The following AK8 variants were observed in gnomAD, a reference collection of about 807,000 sequenced individuals.
AK8 encodes the protein ATP-AMP transphosphorylase 8.
A neutral mutation model predicts 54.6 loss-of-function variants in AK8; 44 were observed. That is an observed-to-expected ratio of 0.81 (90% CI 0.63 to 1.04). The LOEUF is 1.04. Ranked by LOEUF, AK8 falls within the 50% of genes least tolerant of loss-of-function variation. The probability of loss-of-function intolerance (pLI) is 0.00; values close to 1 mark genes in which losing one functional copy is unlikely to be tolerated. For synonymous variants in AK8, 239 were observed against 245.6 expected, an observed-to-expected ratio of 0.97 and a Z score of 0.25; for missense variants, 555 against 613.6, an observed-to-expected ratio of 0.90 and a Z score of 1.01.
At chr9:132,730,358 C>A (rs184714498) in intron 11 of AK8, among the ~76,000 whole-genome samples, 1 of 151,538 alleles carries the variant, frequency 6.6e-6, no homozygotes, top group Non-Finnish European at 1.5e-5. Flanking sequence ...CCAGGAAATG[C>A]GTGTGAAGGA....
chr9:132,782,614 G>A (rs1001258752), intron 11 of AK8, among the ~76,000 whole-genome samples: 3 of 152,084 alleles, frequency 2.0e-5, no homozygotes, highest in East Asian at 1.9e-4. Flanking sequence ...ACTTGAATCC[G>A]GAAGGCGGAG....
intron 5 of AK8, among the ~76,000 whole-genome samples, chr9:132,849,911 A>C (rs1842903263): frequency 6.6e-6 from 1 of 151,430 alleles, no homozygotes; most frequent in Non-Finnish European, 1.5e-5. Flanking sequence ...ATGCCCAGCA[A>C]ATTTTTTGTA....
At chr9:132,817,785 G>A (rs1418499493) in intron 9 of AK8, among the ~76,000 whole-genome samples, 1 of 152,056 alleles carries the variant, frequency 6.6e-6, no homozygotes, top group East Asian at 1.9e-4. Flanking sequence ...AAGAAGAGAG[G>A]CAGGCAGAAA....
At chr9:132,820,209 C>T (rs913470027) in intron 9 of AK8, among the ~76,000 whole-genome samples, 6 of 137,340 alleles carry the variant, frequency 4.4e-5, no homozygotes, top group Admixed American at 4.2e-4. Flanking sequence ...TTCATGCTCA[C>T]TGTAAAAAAA....
intron 4 of AK8, 119 bp from the exon 5 acceptor site, chr9:132,855,044 G>A (rs1843122531): frequency 9.9e-7 from 1 of 1,005,166 alleles, no homozygotes; most frequent in Non-Finnish European, 1.5e-6. Context: ...ACCACCATCG[G>A]GCCCCGCCCT....
chr9:132,809,177 C>G (rs1840873472), intron 10 of AK8, among the ~76,000 whole-genome samples: 2 of 152,180 alleles, frequency 1.3e-5, no homozygotes, highest in African/African-American at 4.8e-5. Context: ...ACAGAGATAT[C>G]TGAAACAGAC....
At chr9:132,857,233 C>G (rs909961939) in intron 4 of AK8, among the ~76,000 whole-genome samples, 1 of 152,182 alleles carries the variant, frequency 6.6e-6, no homozygotes, top group African/African-American at 2.4e-5. Flanking sequence ...CTGCTGGGCC[C>G]CAGCCTGGGA....
chr9:132,728,146 G>T (rs972705154), intron 11 of AK8, among the ~76,000 whole-genome samples: 8 of 152,212 alleles, frequency 5.3e-5, no homozygotes, highest in Non-Finnish European at 1.2e-4. Context: ...ACGAGGGTGG[G>T]CATCATTTTC....
Position 132,828,103 on chromosome 9 carries a change from G to A in AK8, c.485-19C>T. 4 of 1,562,364 alleles carry A rather than the reference G, an allele frequency of 2.6e-6. No homozygotes were observed. The highest frequency in any genetic ancestry group is 2.4e-5 in the East Asian group (1 of 42,218). The stretch of plus-strand genomic sequence containing the variant: ...AGCACAACTGGGCAGAGAAGAAAAG[G>A]AGCAAAACCAGGCATGTCGGGCAGC... On this transcript the variant is annotated intron_variant, in intron 6 of 12. Coordinates refer to ENST00000298545, the MANE Select transcript of AK8 (RefSeq NM_152572.3).
In AK8 at chr9:132,799,656, C is replaced by T. The variant is rs1840350434; in HGVS notation, c.980-6881G>A. On this transcript the variant is annotated intron_variant, in intron 10 of 12. Coordinates refer to ENST00000298545, the MANE Select transcript of AK8 (RefSeq NM_152572.3). This position sits in a 1 kb window ranked among gnomAD's most constrained non-coding sequence, Gnocchi z 5.0. ...CCTACACCCCACCACGTGCACAACA[C>T]ATACTGTATACCCACCTATCCACAC... 6.6e-6 allele frequency among the ~76,000 whole-genome samples: 1 copy of T among 152,006 alleles called. No homozygotes were observed. Among genetic ancestry groups the T allele is most frequent in the Admixed American group, 6.6e-5 (1 of 15,262 alleles).
chr9:132,871,033 G>A (rs565799135), intron 2 of AK8, among the ~76,000 whole-genome samples: 9 of 152,302 alleles, frequency 5.9e-5, no homozygotes, highest in African/African-American at 2.2e-4. Context: ...ATCATCTGAG[G>A]TCAGGTGTTT....
At chr9:132,760,220 G>T (rs1436271546) in intron 11 of AK8, among the ~76,000 whole-genome samples, 2 of 150,690 alleles carry the variant, frequency 1.3e-5, no homozygotes, top group Non-Finnish European at 2.9e-5. Flanking sequence ...GTCTTGCTGT[G>T]TTGCCCAGGC....
chr9:132,738,200 T>C (rs1305653929), intron 11 of AK8, among the ~76,000 whole-genome samples: 1 of 152,010 alleles, frequency 6.6e-6, no homozygotes, highest in Non-Finnish European at 1.5e-5. Context: ...ACTACAGGCG[T>C]GTGCCACCAC....
chr9:132,840,164 T>C (rs1218436154), intron 5 of AK8, among the ~76,000 whole-genome samples: 2 of 152,194 alleles, frequency 1.3e-5, no homozygotes, highest in South Asian at 4.2e-4. Flanking sequence ...TGCTGCCACA[T>C]TGGAGATTAA....
chr9:132,822,485 C>G (rs1030186323), intron 9 of AK8, among the ~76,000 whole-genome samples: 2 of 151,714 alleles, frequency 1.3e-5, no homozygotes, highest in Non-Finnish European at 2.9e-5. Flanking sequence ...GTGCAGGTCT[C>G]GTTTCCTTAG....
At position 132,844,336 on chromosome 9, in the gene AK8, A is replaced by AC. The variant is rs752578473; in HGVS notation, c.402+10520dup. Among the ~76,000 whole-genome samples the AC allele has an allele frequency of 2.7e-5, 4 of 149,594 alleles. 1 individual carries two copies. The Admixed American group carries it at 2.7e-4, about 10-fold the overall frequency. On this transcript the variant is annotated intron_variant, in intron 5 of 12. Coordinates refer to ENST00000298545, the MANE Select transcript of AK8 (RefSeq NM_152572.3). Reference sequence around the variant, plus strand: ...AAAAAAGAAAAAAGAAAAAGAAACGACCCCCCTGCATTAACTACAGAATCC... The same window carrying AC: ...AAAAAAGAAAAAAGAAAAAGAAACGACCCCCCCTGCATTAACTACAGAATCC...
chr9:132,807,838 G>A (rs773836055), intron 10 of AK8, among the ~76,000 whole-genome samples: 14 of 152,136 alleles, frequency 9.2e-5, no homozygotes, highest in South Asian at 2.1e-4. Context: ...ATTTCCTTAG[G>A]AAGCTCTGGG....
Position 132,855,366 on chromosome 9 carries a change from T to A in AK8, c.334-441A>T, listed in dbSNP as rs533236814. ...CCCACGTGGCTGTGTCCCCAGGAAG[T>A]TGTAAAGCTCTTCAAGGAAAGGGAC... On this transcript the variant is annotated intron_variant, in intron 4 of 12. Transcript: ENST00000298545. 9.5e-4 allele frequency among the ~76,000 whole-genome samples: 145 copies of A among 152,186 alleles called. 1 individual carries two copies. The highest frequency in any genetic ancestry group is 1.5e-3 in the Non-Finnish European group (105 of 67,988).
intron 5 of AK8, among the ~76,000 whole-genome samples, chr9:132,832,147 T>TAAAA (rs11284702): frequency 9.5e-6 from 1 of 105,408 alleles, no homozygotes; most frequent in Non-Finnish European, 1.8e-5. Flanking sequence ...CACTGACATT[T>TAAAA]AAAAAAAAAA....
Sources: allele counts gnomAD v4.1 joint callset (sites outside exome capture counted in the v4.1 genomes callset), GRCh38; gene constraint gnomAD v4.1.1; non-coding constraint Gnocchi (gnomAD v3.1); transcripts MANE v1.5; gene names NCBI Gene and HGNC (gene_info 2026-07-23, HGNC 2026-07-21).